Variants in KLF7 observed in about 807,000 individuals in gnomAD.
The protein encoded by KLF7 is Krueppel-like factor 7.
KLF7 carries 2 observed loss-of-function variants against 27.3 expected under a neutral mutation model. That is an observed-to-expected ratio of 0.07 (90% CI 0.03 to 0.23). The LOEUF (loss-of-function observed/expected upper bound fraction) is 0.23, where lower values mean the gene tolerates loss of function less well. Ranked by LOEUF, KLF7 falls within the 10% of genes least tolerant of loss-of-function variation. KLF7 has a pLI of 1.00. For synonymous variants in KLF7, 165 were observed against 162.4 expected (o/e 1.02, Z -0.12); for missense variants, 221 against 394.1 (o/e 0.56, Z 3.72).
intron 2 of KLF7, among the ~76,000 whole-genome samples, chr2:207,117,101 A>G (rs1237221091): frequency 6.6e-6 from 1 of 152,142 alleles, no homozygotes; most frequent in Non-Finnish European, 1.5e-5. Context: ...TTGCTTTGTG[A>G]CTATCAATTA....
intron 2 of KLF7, among the ~76,000 whole-genome samples, chr2:207,090,477 A>T (rs2076486585): frequency 6.6e-6 from 1 of 152,174 alleles, no homozygotes; most frequent in African/African-American, 2.4e-5. Flanking sequence ...GTGAGGTTTC[A>T]ATCAGTTGTG....
intron 2 of KLF7, among the ~76,000 whole-genome samples, chr2:207,107,123 C>T (rs1026414026): frequency 1.1e-4 from 16 of 152,140 alleles, no homozygotes; most frequent in African/African-American, 3.6e-4. Flanking sequence ...GAAGGGATAT[C>T]GGGTGTAAAC....
intron 2 of KLF7, among the ~76,000 whole-genome samples, chr2:207,116,684 C>T (rs573999251): frequency 6.6e-6 from 1 of 152,266 alleles, no homozygotes; most frequent in African/African-American, 2.4e-5. Context: ...AACAGTTTTT[C>T]TAAAAGTTTA....
At chr2:207,166,959 C>T (rs1323743554), upstream of KLF7, 2 of 707,498 alleles carry the variant, frequency 2.8e-6, no homozygotes, top group Non-Finnish European at 3.8e-6. Flanking sequence ...CGCCGCCCTC[C>T]CTCCCGCGCC....
intron 1 of KLF7, among the ~76,000 whole-genome samples, chr2:207,163,381 A>G (rs1574603195): frequency 6.6e-6 from 1 of 152,190 alleles, no homozygotes; most frequent in Non-Finnish European, 1.5e-5. Flanking sequence ...AAACTAAACT[A>G]GAGCTTCCCT....
At position 207,081,141 on chromosome 2, in the gene KLF7, T is replaced by C; in HGVS notation, c.*72A>G. On this transcript the variant is annotated 3_prime_UTR_variant, in exon 4 of 4. Coordinates refer to ENST00000309446, the MANE Select transcript of KLF7 (RefSeq NM_003709.4). ...CGAGGCAATGGGTCCCCGCCTGAAG[T>C]CCAGCCCCCTGCCTCATGGCGTTTC... 4 of 1,396,008 alleles carry C rather than the reference T, an allele frequency of 2.9e-6. No homozygotes were observed. The highest frequency in any genetic ancestry group is 4.1e-6 in the Non-Finnish European group (4 of 981,670). 86.5% of individuals were successfully genotyped at this position (1,396,008 alleles called of 1,614,324 possible).
intron 1 of KLF7, chr2:207,149,133 T>A (rs1178584420): frequency 7.8e-7 from 1 of 1,287,442 alleles, no homozygotes; most frequent in Non-Finnish European, 1.0e-6. Context: ...CACCCAGTCA[T>A]GTTGATTTCA....
At position 207,165,586 on chromosome 2, in the gene KLF7, A is replaced by G; in HGVS notation, c.-18T>C. 1 of 1,612,876 alleles carries G rather than the reference A, an allele frequency of 6.2e-7. No homozygotes were observed. ...ACGTCCATGCTGCTGCTGCCGGGCA[A>G]AACGGGAGGCGAAACCCTCCCCCGA... On this transcript the variant is annotated 5_prime_UTR_variant, in exon 1 of 4. Coordinates refer to ENST00000309446, the MANE Select transcript of KLF7 (RefSeq NM_003709.4).
intron 2 of KLF7, among the ~76,000 whole-genome samples, chr2:207,095,434 T>C (rs1220711415): frequency 6.6e-6 from 1 of 152,210 alleles, no homozygotes; most frequent in Non-Finnish European, 1.5e-5. Context: ...TGTTCAAAAA[T>C]CTGTAATCCA....
rs1320619318 is a variant in KLF7, at chr2:207,079,856, T to C, written c.*1357A>G. On this transcript the variant is annotated 3_prime_UTR_variant, in exon 4 of 4. Coordinates refer to ENST00000309446, the MANE Select transcript of KLF7 (RefSeq NM_003709.4). ...TCAACCCTTCACTCCCACAATGGCG[T>C]TTTAAATTGTGTATTGTAACACGTA... 2 of 152,028 alleles carry C rather than the reference T, an allele frequency of 1.3e-5. No individual in the cohort carries two copies. Among genetic ancestry groups the C allele is most frequent in the Non-Finnish European group, 2.9e-5 (2 of 67,998 alleles). The allele number at this position is 152,028 out of a possible 1,614,324, so 9.4% of individuals were successfully genotyped here.
At chr2:207,126,975 A>T (rs2105999527) in intron 1 of KLF7, among the ~76,000 whole-genome samples, 1 of 152,326 alleles carries the variant, frequency 6.6e-6, no homozygotes, top group African/African-American at 2.4e-5. Flanking sequence ...CTGAAAAGTC[A>T]CTAAGATATT....
intron 1 of KLF7, among the ~76,000 whole-genome samples, chr2:207,144,717 T>C (rs1238556770): frequency 6.6e-6 from 1 of 152,194 alleles, no homozygotes; most frequent in Admixed American, 6.5e-5. Flanking sequence ...TCTGCTGACA[T>C]TAAAAGTAAA....
chr2:207,167,295 T>A, upstream of KLF7: 1 of 571,238 alleles, frequency 1.8e-6, no homozygotes. Flanking sequence ...AATTGTTTGC[T>A]TGACCTTAAA....
intron 1 of KLF7, among the ~76,000 whole-genome samples, chr2:207,154,411 A>T (rs2078326136): frequency 6.6e-6 from 1 of 152,218 alleles, no homozygotes; most frequent in South Asian, 2.1e-4. Flanking sequence ...AGCCAAGCAA[A>T]TTCCAAGGAT....
Position 207,085,164 on chromosome 2 carries a change from GAAAAAAAAAAAAAA to G in KLF7, c.857+3280_857+3293del, listed in dbSNP as rs1015691241. On this transcript the variant is annotated intron_variant, in intron 3 of 3. Transcript: ENST00000309446. ...GCAACAAAGCCAGACTGTCTCAAAT[GAAAAAAAAAAAAAA>G]AAAAAAAAAAAAAAAGGCACACTAA... 4.3e-4 allele frequency among the ~76,000 whole-genome samples: 10 copies of G among 22,994 alleles called. No homozygotes were observed. The East Asian group carries it at 6.6e-3, about 15-fold the overall frequency. 15.1% of individuals were successfully genotyped at this position (22,994 alleles called of 152,430 possible). A position where few individuals can be genotyped will look rare whatever the true frequency, so the allele number is the denominator to read the frequency against.
intron 1 of KLF7, among the ~76,000 whole-genome samples, chr2:207,157,368 A>C (rs1486920728): frequency 6.6e-6 from 1 of 152,106 alleles, no homozygotes; most frequent in African/African-American, 2.4e-5. Flanking sequence ...CACCCATTTG[A>C]AAGTTAAGGA....
At chr2:207,117,800 T>A (rs1412602825) in intron 2 of KLF7, among the ~76,000 whole-genome samples, 1 of 152,190 alleles carries the variant, frequency 6.6e-6, no homozygotes, top group Non-Finnish European at 1.5e-5. Flanking sequence ...ATAAACACTC[T>A]GTCCAGAAGG....
Position 207,138,275 on chromosome 2 carries a change from C to T in KLF7, c.103-13871G>A, listed in dbSNP as rs544446624. Among the ~76,000 whole-genome samples the T allele has an allele frequency of 5.8e-4, 88 of 152,308 alleles. 1 individual carries two copies. The highest frequency in any genetic ancestry group is 2.1e-3 in the African/African-American group (86 of 41,588). ...GAAAATCTAATTTCCAATCCAGTTG[C>T]TTTGTTGTTTCAACCTCCAAGGAAG... On this transcript the variant is annotated intron_variant, in intron 1 of 3. Transcript: ENST00000309446.
chr2:207,106,735 A>G (rs530555621), intron 2 of KLF7, among the ~76,000 whole-genome samples: 1 of 152,270 alleles, frequency 6.6e-6, no homozygotes, highest in Admixed American at 6.5e-5. Context: ...GATTTTGCCA[A>G]GTCAAGAAAC....
Sources: gnomAD v4.1 joint callset for allele counts (sites outside exome capture counted in the v4.1 genomes callset) on GRCh38, gnomAD v4.1.1 for gene constraint, MANE v1.5 for transcripts, NCBI Gene and HGNC (gene_info 2026-07-23, HGNC 2026-07-21) for gene names.